Variants in CDK5RAP2 observed in about 807,000 individuals in gnomAD.
The protein encoded by CDK5RAP2 is CDK5 regulatory subunit-associated protein 2.
Under a neutral mutation model 232.9 loss-of-function variants are expected in CDK5RAP2, and 147 were observed. That is an observed-to-expected ratio of 0.63 (90% confidence interval 0.55 to 0.72). The LOEUF is 0.72. CDK5RAP2 is among the 30% of genes least tolerant of loss of function. The pLI is 0.00. For synonymous variants in CDK5RAP2, 833 were observed against 833.7 expected (o/e 1.00, Z 0.01); for missense variants, 2,195 against 2,231.5 (o/e 0.98, Z 0.33).
rs886063401 is a variant in CDK5RAP2, at chr9:120,580,089, T to C, written c.-111A>G. 4.7e-6 allele frequency: 3 copies of C among 642,606 alleles called. No homozygotes were observed. Among genetic ancestry groups the C allele is most frequent in the Non-Finnish European group, 8.5e-6 (3 of 354,656 alleles). 39.8% of individuals were successfully genotyped at this position (642,606 alleles called of 1,614,324 possible). A position where few individuals can be genotyped will look rare whatever the true frequency, so the allele number is the denominator to read the frequency against. On this transcript the variant is annotated 5_prime_UTR_variant, in exon 1 of 38. Transcript: ENST00000349780. ...GTCCCCGCCCCCTCCACCCCAGCTC[T>C]TGTTCAGACTCTGGCGGCGCCGCTG...
intron 13 of CDK5RAP2, among the ~76,000 whole-genome samples, chr9:120,489,086 C>A (rs775503206): frequency 5.9e-5 from 9 of 152,222 alleles, no homozygotes; most frequent in Admixed American, 4.6e-4. Context: ...CTTTATTCTG[C>A]CCTCACACTT....
chr9:120,391,360 C>T (rs909485775), intron 36 of CDK5RAP2, among the ~76,000 whole-genome samples: 1 of 152,188 alleles, frequency 6.6e-6, no homozygotes, highest in Admixed American at 6.5e-5. Context: ...CCGAGGAACA[C>T]AGCGACAAAG....
chr9:120,521,932 ACCG>A (rs2040685267), intron 11 of CDK5RAP2, among the ~76,000 whole-genome samples: 9 of 152,154 alleles, frequency 5.9e-5, no homozygotes, highest in Admixed American at 5.9e-4. Context: ...GGCACGAGCC[ACCG>A]CACCTGGCCT....
At chr9:120,537,691 TA>T (rs773858392) in intron 6 of CDK5RAP2, among the ~76,000 whole-genome samples, 620 of 135,354 alleles carry the variant, frequency 4.6e-3, no homozygotes, top group Non-Finnish European at 4.6e-3. Context: ...ATCATCTGTT[TA>T]AAAAAAAAAA....
intron 12 of CDK5RAP2, among the ~76,000 whole-genome samples, chr9:120,497,948 A>G (rs2039390083): frequency 6.6e-6 from 1 of 152,224 alleles, no homozygotes; most frequent in Non-Finnish European, 1.5e-5. Context: ...GATAGAATCC[A>G]GGGCTCAAGG....
intron 12 of CDK5RAP2, among the ~76,000 whole-genome samples, chr9:120,502,450 T>C (rs2039619355): frequency 1.3e-5 from 2 of 152,252 alleles, no homozygotes; most frequent in South Asian, 2.1e-4. Context: ...TTCCAGTGTA[T>C]GTATGTGTAT....
At chr9:120,524,803 G>A (rs933870868) in intron 11 of CDK5RAP2, among the ~76,000 whole-genome samples, 183 bp downstream of exon 11, 3 of 152,050 alleles carry the variant, frequency 2.0e-5, no homozygotes, top group African/African-American at 7.2e-5. Context: ...ATTGAGGAGG[G>A]GGCTGGAAAA....
chr9:120,402,725 C>G (rs1359235923), intron 34 of CDK5RAP2, 81 bp downstream of exon 34: 1 of 1,526,916 alleles, frequency 6.5e-7, no homozygotes, highest in Non-Finnish European at 9.1e-7. Context: ...ATGAGGACAA[C>G]TGCGCCATTT....
chr9:120,545,886 C>T (rs2041821924), intron 4 of CDK5RAP2, 96 bp from the exon 5 acceptor site: 1 of 954,080 alleles, frequency 1.0e-6, no homozygotes, highest in African/African-American at 1.6e-5. Context: ...AGACTGACTA[C>T]AGGATGCTTG....
At chr9:120,475,408 C>T (rs2037951017) in intron 15 of CDK5RAP2, among the ~76,000 whole-genome samples, 1 of 152,180 alleles carries the variant, frequency 6.6e-6, no homozygotes, top group African/African-American at 2.4e-5. Context: ...GCCTGTGAAA[C>T]TTGGGAGCCC....
At chr9:120,557,279 C>T (rs2042264466) in intron 3 of CDK5RAP2, among the ~76,000 whole-genome samples, 1 of 152,166 alleles carries the variant, frequency 6.6e-6, no homozygotes, top group African/African-American at 2.4e-5. Flanking sequence ...GACTGGGGAT[C>T]CTTCTTCATG....
In CDK5RAP2 at chr9:120,477,739, TC is replaced by T. The variant is rs555333158; in HGVS notation, c.1627-290del. Among the ~76,000 whole-genome samples the T allele has an allele frequency of 7.4e-3, 1,132 of 152,262 alleles. 12 individuals are homozygous for T. The highest frequency in any genetic ancestry group is 0.025 in the African/African-American group (1,045 of 41,540). On this transcript the variant is annotated intron_variant, in intron 14 of 37. Coordinates refer to ENST00000349780, the MANE Select transcript of CDK5RAP2 (RefSeq NM_018249.6). ...AGCTATGGGATTAGCCCATCATGAG[TC>T]TGTCATCCCTCAGAGCTGCTGTTCA...
At chr9:120,518,224 AGAG>A (rs1564328009) in intron 12 of CDK5RAP2, among the ~76,000 whole-genome samples, 200 bp downstream of exon 12, 55 of 149,378 alleles carry the variant, frequency 3.7e-4, no homozygotes, top group African/African-American at 1.3e-3. Flanking sequence ...AGAGAGAGAG[AGAG>A]AGAGAGAGAG....
chr9:120,481,658 G>A (rs989618393), intron 14 of CDK5RAP2, among the ~76,000 whole-genome samples: 11 of 151,954 alleles, frequency 7.2e-5, no homozygotes, highest in African/African-American at 9.7e-5. Flanking sequence ...GACCACAGGC[G>A]CACACCGCCA....
chr9:120,507,928 AAAAAAAAAAAAAAAATAT>A (rs1402230892), intron 12 of CDK5RAP2, among the ~76,000 whole-genome samples: 1 of 70,524 alleles, frequency 1.4e-5, no homozygotes, highest in African/African-American at 4.6e-5. Flanking sequence ...AAAAAAAAAA[AAAAAAAAAAAAAAAATAT>A]ATATATATAT....
At position 120,400,758 on chromosome 9, in the gene CDK5RAP2, G is replaced by C; in HGVS notation, c.5435C>G (p.Pro1812Arg). Residue 1812 changes from proline (P) to arginine (R), a missense_variant, in exon 35 of 38, where the codon CCC becomes CGC. By Grantham distance (103) the Pro-to-Arg change is moderately radical. Coordinates refer to ENST00000349780, the MANE Select transcript of CDK5RAP2 (RefSeq NM_018249.6). Reference sequence around the variant, plus strand: ...ACCACCTACCTGCTCACAGTGAAGGGGGCACTGGCCATCCTCGGGGAGTGA... The same window carrying C: ...ACCACCTACCTGCTCACAGTGAAGGCGGCACTGGCCATCCTCGGGGAGTGA... The part of the protein sequence containing the change: ...RVSLPEDGQC[P>R]LHCEQIGEMK... The C allele has an allele frequency of 6.2e-7, 1 of 1,613,736 alleles. No individual in the cohort carries two copies. Among genetic ancestry groups the C allele is most frequent in the Non-Finnish European group, 8.5e-7 (1 of 1,180,022 alleles).
chr9:120,535,205 G>A (rs747525974), intron 7 of CDK5RAP2, among the ~76,000 whole-genome samples: 43 of 152,300 alleles, frequency 2.8e-4, no homozygotes, highest in South Asian at 8.3e-4. Context: ...ATAAATGCTC[G>A]CACCTCCAAA....
intron 36 of CDK5RAP2, among the ~76,000 whole-genome samples, chr9:120,390,759 C>T (rs1337555298): frequency 1.3e-5 from 2 of 152,208 alleles, no homozygotes; most frequent in Non-Finnish European, 2.9e-5. Flanking sequence ...GAGGCTGTAA[C>T]AGACTCAACG....
intron 26 of CDK5RAP2, among the ~76,000 whole-genome samples, chr9:120,422,340 G>A (rs1327848477): frequency 2.0e-5 from 3 of 152,226 alleles, no homozygotes; most frequent in Non-Finnish European, 2.9e-5. Flanking sequence ...AGGAGAATGG[G>A]CAGGGGAGAA....
Sources: allele counts gnomAD v4.1 joint callset (sites outside exome capture counted in the v4.1 genomes callset), GRCh38; gene constraint gnomAD v4.1.1; transcripts MANE v1.5; gene names NCBI Gene and HGNC (gene_info 2026-07-23, HGNC 2026-07-21).